Variants in ARHGAP39 observed in about 807,000 individuals in gnomAD.
ARHGAP39 encodes the protein rho GTPase-activating protein 39.
ARHGAP39 carries 44 observed loss-of-function variants against 106.9 expected under a neutral mutation model. The ratio of observed to expected loss-of-function variants is 0.41; its 90% CI spans 0.32 to 0.53. The LOEUF is 0.53. ARHGAP39 is among the 20% of genes least tolerant of loss of function. The pLI, the probability that ARHGAP39 is intolerant of heterozygous loss-of-function variation, is 0.21. For missense variants in ARHGAP39, 1,496 were observed against 1,577.3 expected (o/e 0.95, Z 0.87); for synonymous variants, 768 against 693.2 (o/e 1.11, Z -1.69).
chr8:144,594,875 G>T (rs117124002), intron 2 of ARHGAP39, among the ~76,000 whole-genome samples: 3,070 of 151,950 alleles, frequency 0.02, 38 homozygotes, highest in Middle Eastern at 0.048. Flanking sequence ...ACAGAGTGAG[G>T]CTCTGTCTGA....
intron 3 of ARHGAP39, among the ~76,000 whole-genome samples, chr8:144,574,047 C>T (rs1300946630): frequency 6.6e-6 from 1 of 151,698 alleles, no homozygotes; most frequent in African/African-American, 2.4e-5. Context: ...GTGGCGCCCC[C>T]CTGTAATCCC....
At chr8:144,669,621 T>C (rs1822051951) in intron 1 of ARHGAP39, among the ~76,000 whole-genome samples, 1 of 151,536 alleles carries the variant, frequency 6.6e-6, no homozygotes, top group Admixed American at 6.6e-5. Context: ...AAATTGTATA[T>C]ATCTGATCCG....
chr8:144,688,947 G>GA (rs1442340115), upstream of ARHGAP39, among the ~76,000 whole-genome samples: 4 of 152,206 alleles, frequency 2.6e-5, no homozygotes, highest in Admixed American at 6.5e-5. Flanking sequence ...AGGAGGACAT[G>GA]AAGGGGGACG....
chr8:144,530,086 A>C lies in ARHGAP39; in HGVS notation c.*336T>G. Reference sequence around the variant, plus strand: ...GCCAGGGCGCGCAGGAGCCACAGGGAGGCAGCCCGGCCCCAAGGAGGCAGC... The same window carrying C: ...GCCAGGGCGCGCAGGAGCCACAGGGCGGCAGCCCGGCCCCAAGGAGGCAGC... On this transcript the variant is annotated 3_prime_UTR_variant, in exon 12 of 12. Coordinates refer to ENST00000377307, the MANE Select transcript of ARHGAP39 (RefSeq NM_025251.3). The C allele has an allele frequency of 3.3e-6, 1 of 301,416 alleles. No individual in the cohort carries two copies. 18.7% of individuals were successfully genotyped at this position (301,416 alleles called of 1,614,324 possible). A position where few individuals can be genotyped will look rare whatever the true frequency, so the allele number is the denominator to read the frequency against.
chr8:144,672,335 A>G (rs1822121201), intron 1 of ARHGAP39, among the ~76,000 whole-genome samples: 1 of 152,244 alleles, frequency 6.6e-6, no homozygotes, highest in African/African-American at 2.4e-5. Context: ...GGACCGTAAC[A>G]GAAAACCACT....
chr8:144,662,032 C>T (rs922182070), intron 1 of ARHGAP39, among the ~76,000 whole-genome samples: 5 of 150,926 alleles, frequency 3.3e-5, no homozygotes, highest in African/African-American at 4.9e-5. Flanking sequence ...CACCTTGGAC[C>T]GTTCCCCACA....
intron 1 of ARHGAP39, among the ~76,000 whole-genome samples, chr8:144,629,643 C>T (rs1821013168): frequency 6.6e-6 from 1 of 152,230 alleles, no homozygotes; most frequent in African/African-American, 2.4e-5. Context: ...ACAAAAGTAG[C>T]AGCTTTGTGT....
chr8:144,685,445 G>T (rs563045325), intron 1 of ARHGAP39, among the ~76,000 whole-genome samples: 1 of 149,646 alleles, frequency 6.7e-6, no homozygotes, highest in African/African-American at 2.4e-5. Flanking sequence ...GCCCCGCGCG[G>T]CCTCGGCCCC....
chr8:144,587,276 G>A (rs956642295), intron 2 of ARHGAP39, among the ~76,000 whole-genome samples: 1 of 152,200 alleles, frequency 6.6e-6, no homozygotes, highest in Non-Finnish European at 1.5e-5. Flanking sequence ...GTAAGCACAA[G>A]GAAGAACCAA....
the ARHGAP39 span, among the ~76,000 whole-genome samples, chr8:144,694,308 G>A: frequency 2.0e-5 from 3 of 152,180 alleles, no homozygotes; most frequent in African/African-American, 7.2e-5. Flanking sequence ...GGGGAGTGGG[G>A]TCTGCAGGGT....
chr8:144,639,482 G>A (rs889994605), intron 1 of ARHGAP39, among the ~76,000 whole-genome samples: 9 of 151,842 alleles, frequency 5.9e-5, no homozygotes, highest in East Asian at 1.9e-4. Flanking sequence ...CAGGCACACC[G>A]CACAGATGTC....
chr8:144,653,351 C>T (rs1821619417), intron 1 of ARHGAP39, among the ~76,000 whole-genome samples: 1 of 152,068 alleles, frequency 6.6e-6, no homozygotes, highest in Admixed American at 6.6e-5. Context: ...GAAACTCAGG[C>T]AAAACACACT....
intron 1 of ARHGAP39, among the ~76,000 whole-genome samples, chr8:144,607,364 C>A (rs910429741): frequency 3.3e-5 from 5 of 152,226 alleles, no homozygotes; most frequent in Non-Finnish European, 7.3e-5. Flanking sequence ...GCCTCCGGCC[C>A]GGGTGGTGAC....
chr8:144,576,002 C>A (rs1262794383), intron 3 of ARHGAP39, among the ~76,000 whole-genome samples: 1 of 152,142 alleles, frequency 6.6e-6, no homozygotes, highest in Admixed American at 6.5e-5. Flanking sequence ...TCTATCTACC[C>A]AAACTAATCC....
upstream of ARHGAP39, among the ~76,000 whole-genome samples, chr8:144,687,651 AC>A (rs66596765): frequency 7.1e-3 from 48 of 6,798 alleles, no homozygotes; most frequent in South Asian, 0.024. Context: ...AGCACTTCCC[AC>A]CCCCGTGACC....
chr8:144,577,436 A>G (rs1181848178), intron 3 of ARHGAP39, among the ~76,000 whole-genome samples: 2 of 152,234 alleles, frequency 1.3e-5, no homozygotes, highest in East Asian at 3.8e-4. Context: ...AACTTGCTCA[A>G]TAGAAAAGAC....
rs572484751 is a variant in ARHGAP39, at chr8:144,682,857, G to A, written c.-82+2829C>T. On this transcript the variant is annotated intron_variant, in intron 1 of 11. Coordinates refer to ENST00000377307, the MANE Select transcript of ARHGAP39 (RefSeq NM_025251.3). ...AAAACACATCTCTACAAACAAAACC[G>A]AACAAAAAAATTAGCCAGGTGTGGT... Among the ~76,000 whole-genome samples the A allele has an allele frequency of 2.0e-3, 296 of 151,718 alleles. 2 individuals carry two copies. The highest frequency in any genetic ancestry group is 4.3e-3 in the Admixed American group (65 of 15,224).
chr8:144,618,801 C>T (rs1264888552), intron 1 of ARHGAP39, among the ~76,000 whole-genome samples: 1 of 152,242 alleles, frequency 6.6e-6, no homozygotes, highest in Non-Finnish European at 1.5e-5. Flanking sequence ...CTCCCCAGCC[C>T]CCGGCACTGC....
chr8:144,599,349 G>A (rs1416587160), intron 2 of ARHGAP39, among the ~76,000 whole-genome samples: 2 of 152,226 alleles, frequency 1.3e-5, no homozygotes, highest in East Asian at 1.9e-4. Context: ...GGTCTGGGAG[G>A]CAGTGATGTC....
Sources: gnomAD v4.1 joint callset for allele counts (sites outside exome capture counted in the v4.1 genomes callset) on GRCh38, gnomAD v4.1.1 for gene constraint, MANE v1.5 for transcripts, NCBI Gene and HGNC (gene_info 2026-07-23, HGNC 2026-07-21) for gene names.